CACNA1D: variants seen among roughly 807,000 people sequenced by gnomAD.
CACNA1D encodes the protein calcium voltage-gated channel subunit alpha1 D.
Under a neutral mutation model 257.1 loss-of-function variants are expected in CACNA1D, and 55 were observed. The ratio of observed to expected loss-of-function variants is 0.21; its 90% CI spans 0.17 to 0.27. The LOEUF (loss-of-function observed/expected upper bound fraction) is 0.27, where lower values mean the gene tolerates loss of function less well. Ranked by LOEUF, CACNA1D falls within the 10% of genes least tolerant of loss-of-function variation. CACNA1D has a pLI of 1.00. For synonymous variants in CACNA1D, 980 were observed against 1,014.9 expected, an observed-to-expected ratio of 0.97 and a Z score of 0.65; for missense variants, 1,876 against 2,784.0, an observed-to-expected ratio of 0.67 and a Z score of 7.34.
At chr3:53,660,541 G>A (rs950703622) in intron 5 of CACNA1D, among the ~76,000 whole-genome samples, 2 of 152,208 alleles carry the variant, frequency 1.3e-5, no homozygotes, top group African/African-American at 2.4e-5. Context: ...GTGTTGGGGT[G>A]AGACCTTGGG....
intron 47 of CACNA1D, chr3:53,810,589 C>T (rs1049877227): frequency 1.1e-5 from 5 of 437,946 alleles, no homozygotes; most frequent in South Asian, 1.0e-4. Context: ...GAAACCCCGT[C>T]TCTACTAAAA....
chr3:53,733,107 C>T, intron 19 of CACNA1D, 145 bp downstream of exon 19: 1 of 702,942 alleles, frequency 1.4e-6, no homozygotes, highest in Non-Finnish European at 2.4e-6. Flanking sequence ...ACCCAAGTCC[C>T]CTCCAACCCC....
Position 53,751,413 on chromosome 3 carries a change from CT to C in CACNA1D, c.3517-335del, listed in dbSNP as rs560217386. On this transcript the variant is annotated intron_variant, in intron 27 of 47. Transcript: ENST00000350061. The surrounding 1 kb of genome is among the most constrained non-coding windows in gnomAD (Gnocchi z 4.3). ...GCAGTGATAAGGCCTGGACCCAGTC[CT>C]CACTCCTGCTTGTGTATACACTGCA... Among the ~76,000 whole-genome samples the C allele has an allele frequency of 2.1e-4, 32 of 152,350 alleles. 1 individual carries two copies. In the East Asian group the frequency reaches 6.2e-3, roughly 29 times the overall value.
intron 2 of CACNA1D, among the ~76,000 whole-genome samples, chr3:53,498,155 G>A (rs930544232): frequency 2.0e-5 from 3 of 152,200 alleles, no homozygotes; most frequent in African/African-American, 2.4e-5. Context: ...GGAGAGGCTC[G>A]TGTGTGCCTC....
rs141063465 is a variant in CACNA1D at position 53,577,357 on chromosome 3, C to T, written c.484-73422C>T. Among the ~76,000 whole-genome samples, 281 of 152,246 alleles carry T rather than the reference C, an allele frequency of 1.8e-3. 2 individuals are homozygous for T. The highest frequency in any genetic ancestry group is 6.4e-3 in the African/African-American group (266 of 41,548). ...AGGAGCTGTCTCTTTCTTCATCTCT[C>T]AGCAGGGGTTGTCTCTGTTTGGCTT... is the stretch of plus-strand genomic sequence containing the variant. On this transcript the variant is annotated intron_variant, in intron 3 of 47. Transcript: ENST00000350061.
intron 33 of CACNA1D, 108 bp downstream of exon 33, chr3:53,773,006 C>T: frequency 2.1e-6 from 2 of 939,838 alleles, no homozygotes; most frequent in South Asian, 2.6e-5. Flanking sequence ...ATTTTTCAGC[C>T]AAATGCCTCT....
chr3:53,767,541 G>T (rs1393296251), intron 30 of CACNA1D, among the ~76,000 whole-genome samples: 2 of 145,824 alleles, frequency 1.4e-5, no homozygotes, highest in Non-Finnish European at 3.0e-5. Flanking sequence ...ACTCCAGCCT[G>T]GGTGACAGAG....
At chr3:53,804,428 C>A (rs547079568) in intron 44 of CACNA1D, among the ~76,000 whole-genome samples, 86 of 152,342 alleles carry the variant, frequency 5.6e-4, no homozygotes, top group Middle Eastern at 3.4e-3. Flanking sequence ...CCTCATCCCC[C>A]CTGTCGAGGG....
intron 3 of CACNA1D, among the ~76,000 whole-genome samples, chr3:53,543,193 A>G (rs1267391408): frequency 6.6e-6 from 1 of 152,138 alleles, no homozygotes; most frequent in Non-Finnish European, 1.5e-5. Flanking sequence ...ACAAAAACCA[A>G]AACAAACCCA....
At chr3:53,628,253 T>C (rs3774488) in intron 3 of CACNA1D, among the ~76,000 whole-genome samples, 19,613 of 152,172 alleles carry the variant, frequency 0.13, 1,589 homozygotes, top group African/African-American at 0.22. Context: ...TCTGTGCTTT[T>C]GCTGTTCTCT....
intron 11 of CACNA1D, among the ~76,000 whole-genome samples, chr3:53,721,367 C>T (rs965175337): frequency 7.9e-5 from 12 of 152,168 alleles, no homozygotes; most frequent in Non-Finnish European, 1.8e-4. Flanking sequence ...TTGACTCAGG[C>T]CCCCAGAGGA....
chr3:53,634,627 A>T (rs141690109), intron 3 of CACNA1D, among the ~76,000 whole-genome samples: 3 of 152,210 alleles, frequency 2.0e-5, no homozygotes, highest in African/African-American at 7.2e-5. Context: ...TTTAAGAGGT[A>T]CCCCTGTGCG....
chr3:53,783,330 C>T lies in CACNA1D; in HGVS notation c.4792+1663C>T, dbSNP rs546210866. Among the ~76,000 whole-genome samples, 26 of 152,268 alleles carry T rather than the reference C, an allele frequency of 1.7e-4. No individual in the cohort carries two copies. In the South Asian group the frequency reaches 5.4e-3, roughly 32 times the overall value. On this transcript the variant is annotated intron_variant, in intron 39 of 47. Transcript: ENST00000350061. ...CAAAAGAAAAGTCCAGAATTTAGCTCGCCATCGAAGCTCCCTTCCTTTGAA... is the reference window on the plus strand; with the variant it reads ...CAAAAGAAAAGTCCAGAATTTAGCTTGCCATCGAAGCTCCCTTCCTTTGAA...
intron 3 of CACNA1D, among the ~76,000 whole-genome samples, chr3:53,580,479 G>A (rs2093114174): frequency 6.6e-6 from 1 of 152,214 alleles, no homozygotes; most frequent in Non-Finnish European, 1.5e-5. Context: ...CTTGCCTTGT[G>A]CACAGTAGGT....
chr3:53,526,609 G>T (rs576031147), intron 3 of CACNA1D, among the ~76,000 whole-genome samples: 128 of 152,326 alleles, frequency 8.4e-4, no homozygotes, highest in African/African-American at 2.9e-3. Flanking sequence ...GACAGCTGGT[G>T]CAATGGCACG....
Position 53,751,720 on chromosome 3 carries a change from C to T in CACNA1D, c.3517-29C>T. 2 of 1,613,932 alleles carry T rather than the reference C, an allele frequency of 1.2e-6. No individual in the cohort carries two copies. The highest frequency in any genetic ancestry group is 1.7e-6 in the Non-Finnish European group (2 of 1,179,850). On this transcript the variant is annotated intron_variant, in intron 27 of 47. Coordinates refer to ENST00000350061, the MANE Select transcript of CACNA1D (RefSeq NM_001128840.3). The surrounding 1 kb of genome is among the most constrained non-coding windows in gnomAD (Gnocchi z 4.3). ...CTCCTTCCCTGCAAGTGCTCAGAAC[C>T]CCGTTTCTGCCCTTTTCTGCTGTTG...
At chr3:53,795,368 C>G (rs1473670933) in intron 40 of CACNA1D, among the ~76,000 whole-genome samples, 2 of 152,196 alleles carry the variant, frequency 1.3e-5, no homozygotes, top group Non-Finnish European at 2.9e-5. Context: ...GATTCAGACT[C>G]CAATCCAGCG....
intron 3 of CACNA1D, among the ~76,000 whole-genome samples, chr3:53,577,069 C>T (rs1398215165): frequency 6.6e-6 from 1 of 152,134 alleles, no homozygotes; most frequent in Non-Finnish European, 1.5e-5. Context: ...TGGTAACACC[C>T]ATTGTAGAAT....
chr3:53,731,273 T>C, intron 17 of CACNA1D, 127 bp downstream of exon 17: 1 of 731,992 alleles, frequency 1.4e-6, no homozygotes, highest in Non-Finnish European at 2.5e-6. Context: ...GTGAAGAATA[T>C]GGCACACCAT....
Sources: gnomAD v4.1 joint callset for allele counts (sites outside exome capture counted in the v4.1 genomes callset) on GRCh38, gnomAD v4.1.1 for gene constraint, Gnocchi (gnomAD v3.1) non-coding constraint, MANE v1.5 for transcripts, NCBI Gene and HGNC (gene_info 2026-07-23, HGNC 2026-07-21) for gene names.